Variants in DLG2 observed in about 807,000 individuals in gnomAD.
DLG2 encodes discs large MAGUK scaffold protein 2.
Under a neutral mutation model 132.5 loss-of-function variants are expected in DLG2, and 45 were observed. The observed-to-expected ratio is 0.34, with a 90% CI of 0.27 to 0.44. The LOEUF (loss-of-function observed/expected upper bound fraction) is 0.44. DLG2 is among the 20% of genes least tolerant of loss of function. DLG2 has a pLI of 1.00. For missense variants in DLG2, 1,045 were observed against 1,196.9 expected (o/e 0.87, Z 1.87); for synonymous variants, 424 against 419.6 (o/e 1.01, Z -0.13).
chr11:84,600,143 GGAAAGAAA>G (rs1352031668), intron 6 of DLG2, among the ~76,000 whole-genome samples: 2 of 71,934 alleles, frequency 2.8e-5, no homozygotes, highest in Non-Finnish European at 5.5e-5. Context: ...AAAGAAAGAA[GGAAAGAAA>G]GAAAGAAGGA....
At chr11:84,789,572 C>T (rs1455821262) in intron 6 of DLG2, among the ~76,000 whole-genome samples, 1 of 152,020 alleles carries the variant, frequency 6.6e-6, no homozygotes, top group Non-Finnish European at 1.5e-5. Context: ...TCGAATTATA[C>T]TTTTTAGTTA....
intron 3 of DLG2, among the ~76,000 whole-genome samples, chr11:85,561,593 TAACCA>T (rs1016460904): frequency 6.6e-6 from 1 of 151,728 alleles, no homozygotes; most frequent in African/African-American, 2.4e-5. Flanking sequence ...TGTTTGGCAA[TAACCA>T]ATTATTTGAA....
intron 20 of DLG2, 92 bp from the exon 21 acceptor site, chr11:83,532,875 C>T (rs1223014214): frequency 9.7e-7 from 1 of 1,032,598 alleles, no homozygotes; most frequent in Admixed American, 2.2e-5. Flanking sequence ...TCCTCCTATC[C>T]TTGAAGCTCA....
At chr11:83,898,893 A>G (rs919262561) in intron 15 of DLG2, among the ~76,000 whole-genome samples, 3 of 152,214 alleles carry the variant, frequency 2.0e-5, no homozygotes, top group Non-Finnish European at 2.9e-5. Context: ...AAATATGACT[A>G]TAGCATAATA....
chr11:85,495,785 A>C (rs538810328), intron 3 of DLG2, among the ~76,000 whole-genome samples: 6 of 152,230 alleles, frequency 3.9e-5, no homozygotes, highest in Non-Finnish European at 8.8e-5. Context: ...TACTGGGTAT[A>C]TACCCAAAGT....
intron 12 of DLG2, among the ~76,000 whole-genome samples, chr11:83,976,109 C>T (rs187722550): frequency 5.3e-5 from 8 of 151,674 alleles, no homozygotes; most frequent in South Asian, 4.2e-4. Context: ...CAGGTGGTGC[C>T]CAACATTATA....
intron 15 of DLG2, among the ~76,000 whole-genome samples, chr11:83,918,960 A>G (rs2077393591): frequency 6.6e-6 from 1 of 152,206 alleles, no homozygotes; most frequent in Non-Finnish European, 1.5e-5. Context: ...AGAGTGGGAA[A>G]GGAGATGCAT....
chr11:84,611,792 T>C (rs185370636), intron 6 of DLG2, among the ~76,000 whole-genome samples: 2 of 152,304 alleles, frequency 1.3e-5, no homozygotes, highest in African/African-American at 2.4e-5. Context: ...ACAATACCTT[T>C]ATGCCAAAGA....
At chr11:84,024,619 T>C (rs533073790) in intron 11 of DLG2, among the ~76,000 whole-genome samples, 2 of 152,274 alleles carry the variant, frequency 1.3e-5, no homozygotes, top group South Asian at 2.1e-4. Flanking sequence ...ATAGATGGAA[T>C]TGGAGAACAT....
intron 6 of DLG2, among the ~76,000 whole-genome samples, chr11:84,763,115 G>A (rs1408481698): frequency 2.0e-5 from 3 of 152,328 alleles, no homozygotes; most frequent in African/African-American, 4.8e-5. Flanking sequence ...TCAGGACAGA[G>A]TCCGTATCTG....
At chr11:84,640,174 C>T in intron 6 of DLG2, 2 of 264,444 alleles carry the variant, frequency 7.6e-6, no homozygotes, top group South Asian at 8.6e-5. Flanking sequence ...AATGGAGAAA[C>T]AGAAAAGACC....
intron 19 of DLG2, among the ~76,000 whole-genome samples, chr11:83,617,743 G>A (rs944413677): frequency 6.6e-6 from 1 of 152,116 alleles, no homozygotes; most frequent in Non-Finnish European, 1.5e-5. Context: ...CTGGCTCCCT[G>A]GCTCACACCT....
Position 84,663,229 on chromosome 11 carries a change from TTA to T in DLG2, c.358-128500_358-128499del, listed in dbSNP as rs147695623. ...TTATTTGTAATTATGCCTTTACAGG[TTA>T]TATATATATATATATATATTTTTTT... is the stretch of plus-strand genomic sequence containing the variant. On this transcript the variant is annotated intron_variant, in intron 6 of 27. Transcript: ENST00000376104. 3.7e-3 allele frequency among the ~76,000 whole-genome samples: 531 copies of T among 143,550 alleles called. 1 individual carries two copies. Among genetic ancestry groups the T allele is most frequent in the African/African-American group, 8.4e-3 (332 of 39,302 alleles). The allele number at this position is 143,550 out of a possible 152,430, so 94.2% of individuals were successfully genotyped here.
intron 18 of DLG2, among the ~76,000 whole-genome samples, chr11:83,700,909 G>A (rs74739470): frequency 0.021 from 3,184 of 152,260 alleles, 48 homozygotes; most frequent in Non-Finnish European, 0.035. Flanking sequence ...CTCTAGTAGT[G>A]CCTGCTTTAC....
intron 19 of DLG2, among the ~76,000 whole-genome samples, chr11:83,607,258 T>C (rs1590825935): frequency 6.6e-6 from 1 of 152,256 alleles, no homozygotes; most frequent in South Asian, 2.1e-4. Flanking sequence ...CCACTTGTTA[T>C]AGTTCACGAT....
chr11:84,990,754 G>A (rs1294877823), intron 6 of DLG2, among the ~76,000 whole-genome samples: 1 of 151,702 alleles, frequency 6.6e-6, no homozygotes, highest in Non-Finnish European at 1.5e-5. Flanking sequence ...CATTGCTAAT[G>A]AGAATCTAAA....
At chr11:85,254,372 A>G (rs1258218549) in intron 4 of DLG2, among the ~76,000 whole-genome samples, 1 of 152,190 alleles carries the variant, frequency 6.6e-6, no homozygotes, top group African/African-American at 2.4e-5. Context: ...AAACAAAAAT[A>G]TACACACTTA....
intron 21 of DLG2, among the ~76,000 whole-genome samples, chr11:83,526,478 C>T (rs2095613072): frequency 1.3e-5 from 2 of 152,072 alleles, no homozygotes; most frequent in Non-Finnish European, 2.9e-5. Context: ...AGACATCGTG[C>T]TAGGTGCTGG....
At chr11:83,622,849 T>C (rs1037185105) in intron 19 of DLG2, among the ~76,000 whole-genome samples, 10 of 152,190 alleles carry the variant, frequency 6.6e-5, no homozygotes, top group Non-Finnish European at 1.0e-4. Context: ...TTATAATATG[T>C]TCCATATGCA....
Sources: gnomAD v4.1 joint callset for allele counts (sites outside exome capture counted in the v4.1 genomes callset) on GRCh38, gnomAD v4.1.1 for gene constraint, MANE v1.5 for transcripts, NCBI Gene and HGNC (gene_info 2026-07-23, HGNC 2026-07-21) for gene names.